Variants in SLC16A7 observed in about 807,000 individuals in gnomAD.
SLC16A7 encodes the protein solute carrier family 16 member 7.
In SLC16A7, 33 loss-of-function variants were observed where a neutral mutation model predicts 34.9. The ratio of observed to expected loss-of-function variants is 0.94; its 90% CI spans 0.72 to 1.26. The LOEUF is 1.26. SLC16A7 is among the 50% of genes most tolerant of loss of function. SLC16A7 has a pLI of 0.00. For missense variants in SLC16A7, 573 were observed against 578.1 expected (o/e 0.99, Z 0.09); for synonymous variants, 201 against 206.6 (o/e 0.97, Z 0.23).
At chr12:59,764,973 T>C (rs1881436118) in intron 3 of SLC16A7, among the ~76,000 whole-genome samples, 1 of 152,216 alleles carries the variant, frequency 6.6e-6, no homozygotes, top group South Asian at 2.1e-4. Flanking sequence ...TTTCTGTTTC[T>C]CCACATCCTC....
chr12:59,604,125 C>T (rs970049230), intron 1 of SLC16A7, among the ~76,000 whole-genome samples: 2 of 152,138 alleles, frequency 1.3e-5, no homozygotes, highest in African/African-American at 4.8e-5. Context: ...TGGAGTAATT[C>T]AACTTTAGGA....
At chr12:59,690,988 A>G (rs1471644333) in intron 2 of SLC16A7, among the ~76,000 whole-genome samples, 1 of 152,032 alleles carries the variant, frequency 6.6e-6, no homozygotes, top group Non-Finnish European at 1.5e-5. Flanking sequence ...ACTCACAACC[A>G]AGTAAACATG....
rs922854700 is a variant in SLC16A7, at chr12:59,720,340, C to T, written c.217+15322C>T. 5 of 468,836 alleles carry T rather than the reference C, an allele frequency of 1.1e-5. 1 individual carries two copies. In the Middle Eastern group the frequency reaches 2.2e-3, roughly 208 times the overall value. 29.0% of individuals were successfully genotyped at this position (468,836 alleles called of 1,614,324 possible). ...GTCTTGTGAGACCATAATTAGTACC[C>T]ATAACAACAGAAATGTATATCTTTT... On this transcript the variant is annotated intron_variant, in intron 3 of 5. Transcript: ENST00000547379.
intron 1 of SLC16A7, among the ~76,000 whole-genome samples, chr12:59,600,940 C>T (rs994373060): frequency 2.0e-5 from 3 of 152,082 alleles, no homozygotes; most frequent in Non-Finnish European, 4.4e-5. Flanking sequence ...GACAACTGAA[C>T]GACAGCTACA....
At chr12:59,698,748 G>A (rs1872576580) in intron 2 of SLC16A7, among the ~76,000 whole-genome samples, 1 of 151,698 alleles carries the variant, frequency 6.6e-6, no homozygotes, top group South Asian at 2.1e-4. Context: ...GACAGTAATG[G>A]AGTACTCTGT....
intron 3 of SLC16A7, among the ~76,000 whole-genome samples, chr12:59,738,647 G>A (rs1034518972): frequency 1.2e-4 from 18 of 152,120 alleles, no homozygotes; most frequent in Non-Finnish European, 1.5e-4. Flanking sequence ...GTTTATGGCA[G>A]GGAATAGTAT....
chr12:59,760,998 TA>T (rs1426136608), intron 3 of SLC16A7: 2 of 350,450 alleles, frequency 5.7e-6, no homozygotes, highest in Non-Finnish European at 1.1e-5. Flanking sequence ...ATTCTTCTGT[TA>T]AATATTAAAC....
Position 59,758,631 on chromosome 12 carries a change from C to T in SLC16A7, c.218-12588C>T, listed in dbSNP as rs1880673044. On this transcript the variant is annotated intron_variant, in intron 3 of 5. Coordinates refer to ENST00000547379, the MANE Select transcript of SLC16A7 (RefSeq NM_001270623.2). ...ATGTGAATGGAATCATAATGATTAC[C>T]AGTTTATATGTACATAATATGTATT... Among the ~76,000 whole-genome samples, 3 of 151,942 alleles carry T rather than the reference C, an allele frequency of 2.0e-5. No homozygotes were observed. The South Asian group carries it at 6.2e-4, about 32-fold the overall frequency.
At chr12:59,688,585 T>A (rs868784078) in intron 2 of SLC16A7, among the ~76,000 whole-genome samples, 4 of 152,094 alleles carry the variant, frequency 2.6e-5, no homozygotes, top group South Asian at 2.1e-4. Context: ...GTGGCAGCAA[T>A]GTTTTATATA....
intron 2 of SLC16A7, among the ~76,000 whole-genome samples, chr12:59,681,860 TTCAGTCTGAAC>T (rs1233082742): frequency 6.6e-6 from 1 of 151,992 alleles, no homozygotes; most frequent in Admixed American, 6.6e-5. Flanking sequence ...CATGGCTCAG[TTCAGTCTGAAC>T]TCCTCTCAGA....
intron 1 of SLC16A7, among the ~76,000 whole-genome samples, chr12:59,648,791 A>G (rs1592433358): frequency 6.6e-6 from 1 of 152,334 alleles, no homozygotes; most frequent in Non-Finnish European, 1.5e-5. Context: ...TGATAGAGGC[A>G]TTCAGAGTGG....
intron 3 of SLC16A7, among the ~76,000 whole-genome samples, chr12:59,734,388 A>G (rs1424486493): frequency 6.6e-6 from 1 of 152,230 alleles, no homozygotes; most frequent in Non-Finnish European, 1.5e-5. Context: ...CTGGGCAGGC[A>G]CCAGGAGTGG....
At chr12:59,599,279 G>C (rs776240315) in intron 1 of SLC16A7, among the ~76,000 whole-genome samples, 4 of 152,220 alleles carry the variant, frequency 2.6e-5, no homozygotes, top group Non-Finnish European at 5.9e-5. Flanking sequence ...CTTCAACACT[G>C]AATCTGGCAG....
At chr12:59,672,050 G>A (rs1340918086) in intron 2 of SLC16A7, among the ~76,000 whole-genome samples, 4 of 16 alleles carry the variant, frequency 0.25, 2 homozygotes, top group East Asian at 0.5. Context: ...CCGTATATAT[G>A]TGTATATATC....
At chr12:59,696,534 T>C (rs943810933) in intron 2 of SLC16A7, 1 of 152,080 alleles carries the variant, frequency 6.6e-6, no homozygotes, top group Non-Finnish European at 1.5e-5. Context: ...CGTAAAACTA[T>C]ACTTTTAACT....
At chr12:59,724,952 A>G (rs1005888651) in intron 3 of SLC16A7, among the ~76,000 whole-genome samples, 12 of 147,966 alleles carry the variant, frequency 8.1e-5, no homozygotes, top group Non-Finnish European at 1.8e-4. Flanking sequence ...TGAATTATGC[A>G]AAGTGTAGTG....
intron 4 of SLC16A7, among the ~76,000 whole-genome samples, chr12:59,772,988 G>C (rs12307492): frequency 6.6e-6 from 1 of 151,756 alleles, no homozygotes; most frequent in Admixed American, 6.6e-5. Flanking sequence ...GCCTATGTTT[G>C]TTTAACCATG....
chr12:59,620,571 G>A lies in SLC16A7; in HGVS notation c.-130+24335G>A, dbSNP rs191888279. Among the ~76,000 whole-genome samples the A allele has an allele frequency of 6.5e-4, 99 of 152,026 alleles. No homozygotes were observed. The East Asian group carries it at 0.011, about 16-fold the overall frequency. ...TCTAGTCACTCCTGTTCTTGGTTTCGTGAAAAGAATGGTGCCTGTATTTTC... is the reference window on the plus strand; with the variant it reads ...TCTAGTCACTCCTGTTCTTGGTTTCATGAAAAGAATGGTGCCTGTATTTTC... On this transcript the variant is annotated intron_variant, in intron 1 of 5. Coordinates refer to ENST00000547379, the MANE Select transcript of SLC16A7 (RefSeq NM_001270623.2).
chr12:59,651,176 T>C (rs2137018317), intron 1 of SLC16A7, among the ~76,000 whole-genome samples: 1 of 152,320 alleles, frequency 6.6e-6, no homozygotes, highest in Non-Finnish European at 1.5e-5. Flanking sequence ...TTATATTTTT[T>C]CAATGTTTAT....
Sources: allele counts gnomAD v4.1 joint callset (sites outside exome capture counted in the v4.1 genomes callset), GRCh38; gene constraint gnomAD v4.1.1; transcripts MANE v1.5; gene names NCBI Gene and HGNC (gene_info 2026-07-23, HGNC 2026-07-21).